The following WSCD2 variants were observed in gnomAD, a reference collection of about 807,000 sequenced individuals.
WSCD2 encodes sialate:O-sulfotransferase 2.
WSCD2 carries 28 observed loss-of-function variants against 55.7 expected under a neutral mutation model. The observed-to-expected ratio is 0.50, with a 90% CI of 0.37 to 0.69. WSCD2 has a LOEUF of 0.69. Ranked by LOEUF, WSCD2 falls within the 30% of genes least tolerant of loss-of-function variation. The probability of loss-of-function intolerance (pLI) is 0.00; values close to 1 mark genes in which losing one functional copy is unlikely to be tolerated. For synonymous variants in WSCD2, 301 were observed against 301.9 expected, an observed-to-expected ratio of 1.00 and a Z score of 0.03; for missense variants, 616 against 762.1, an observed-to-expected ratio of 0.81 and a Z score of 2.26.
chr12:108,188,617 C>T (rs973037516), intron 1 of WSCD2, among the ~76,000 whole-genome samples: 2 of 151,984 alleles, frequency 1.3e-5, no homozygotes. Flanking sequence ...TTCATTAAGT[C>T]TTTCACTTGC....
chr12:108,153,429 C>T (rs1878213094), intron 1 of WSCD2, among the ~76,000 whole-genome samples: 2 of 152,184 alleles, frequency 1.3e-5, no homozygotes, highest in South Asian at 4.1e-4. Flanking sequence ...TGGTTCCTAA[C>T]CTTGGAAGAG....
rs774010800 is a variant in WSCD2, at chr12:108,250,099, C to G, written c.*1756C>G. The G allele has an allele frequency of 6.6e-6, 1 of 151,748 alleles. No homozygotes were observed. The highest frequency in any genetic ancestry group is 2.1e-4 in the South Asian group (1 of 4,814). 9.4% of individuals were successfully genotyped at this position (151,748 alleles called of 1,614,324 possible). On this transcript the variant is annotated 3_prime_UTR_variant, in exon 9 of 9. Transcript: ENST00000547525. ...CTCAGGTCAACACCATCATTAAATGCGAGTTTTGTTGATGATTCTACCATG... is the reference window on the plus strand; with the variant it reads ...CTCAGGTCAACACCATCATTAAATGGGAGTTTTGTTGATGATTCTACCATG...
At chr12:108,159,247 C>T (rs1447467507) in intron 1 of WSCD2, among the ~76,000 whole-genome samples, 1 of 152,212 alleles carries the variant, frequency 6.6e-6, no homozygotes, top group Non-Finnish European at 1.5e-5. Flanking sequence ...GTCCTTGCTG[C>T]TTCCCCATCA....
intron 1 of WSCD2, among the ~76,000 whole-genome samples, chr12:108,171,019 G>A (rs1309033200): frequency 1.3e-5 from 2 of 152,170 alleles, no homozygotes; most frequent in Admixed American, 6.5e-5. Flanking sequence ...TATTGCTAAG[G>A]TAGGAGAGGC....
chr12:108,164,161 T>TTTTTTTTTTTTTTTTTTTA (rs1555224811), intron 1 of WSCD2, among the ~76,000 whole-genome samples: 3 of 146,086 alleles, frequency 2.1e-5, no homozygotes, highest in Admixed American at 6.8e-5. Flanking sequence ...TTTTTTTTTT[T>TTTTTTTTTTTTTTTTTTTA]TCAGAGAGGG....
intron 1 of WSCD2, among the ~76,000 whole-genome samples, chr12:108,151,285 C>G (rs1877976322): frequency 6.6e-6 from 1 of 152,180 alleles, no homozygotes; most frequent in Non-Finnish European, 1.5e-5. Context: ...GCCTCTGCCA[C>G]TAGATGCCTA....
At chr12:108,130,514 G>A (rs1056743124) in intron 1 of WSCD2, among the ~76,000 whole-genome samples, 2 of 135,206 alleles carry the variant, frequency 1.5e-5, no homozygotes, top group African/African-American at 5.4e-5. Flanking sequence ...GTGTGTGTGT[G>A]TGTGTGTAAA....
At chr12:108,140,509 G>A (rs1876681808) in intron 1 of WSCD2, among the ~76,000 whole-genome samples, 1 of 152,158 alleles carries the variant, frequency 6.6e-6, no homozygotes, top group African/African-American at 2.4e-5. Flanking sequence ...CTGCTGCTCT[G>A]TCTGTCCGCC....
intron 1 of WSCD2, among the ~76,000 whole-genome samples, chr12:108,140,586 G>C (rs1876689837): frequency 6.6e-6 from 1 of 152,186 alleles, no homozygotes; most frequent in Non-Finnish European, 1.5e-5. Context: ...CCAGGTAGTA[G>C]TAGCTGGGGG....
intron 3 of WSCD2, among the ~76,000 whole-genome samples, chr12:108,209,038 C>T (rs1885792395): frequency 6.6e-6 from 1 of 152,160 alleles, no homozygotes; most frequent in African/African-American, 2.4e-5. Flanking sequence ...TTTTCCTGAA[C>T]CTCAGTTTTC....
chr12:108,193,619 A>ATAGATG, intron 1 of WSCD2, among the ~76,000 whole-genome samples: 1 of 80,198 alleles, frequency 1.2e-5, no homozygotes, highest in Middle Eastern at 6.6e-3. Flanking sequence ...ATGGATGGAT[A>ATAGATG]GATGGATGGA....
chr12:108,138,686 C>T (rs1010859304), intron 1 of WSCD2, among the ~76,000 whole-genome samples: 13 of 152,240 alleles, frequency 8.5e-5, no homozygotes, highest in African/African-American at 3.1e-4. Context: ...ATGAATCAGT[C>T]ATTTTCTGCC....
intron 2 of WSCD2, among the ~76,000 whole-genome samples, chr12:108,198,108 A>G (rs1447824698): frequency 6.6e-6 from 1 of 151,428 alleles, no homozygotes; most frequent in Non-Finnish European, 1.5e-5. Flanking sequence ...AACACTTATC[A>G]CCATCTGAAA....
chr12:108,243,504 G>T (rs1489016946), intron 8 of WSCD2, among the ~76,000 whole-genome samples: 2 of 152,190 alleles, frequency 1.3e-5, no homozygotes, highest in Admixed American at 6.5e-5. Context: ...GAAGTGCTGG[G>T]ATTACAGGCG....
Position 108,215,437 on chromosome 12 carries a change from A to T in WSCD2, c.682+5132A>T, listed in dbSNP as rs544805552. 2.6e-5 allele frequency among the ~76,000 whole-genome samples: 4 copies of T among 152,358 alleles called. No homozygotes were observed. The East Asian group carries it at 7.7e-4, about 29-fold the overall frequency. ...GTGAGGTAAAGACTAGAAAGCACCTAGCACAGTGCCTGTTACAGAGTAGCT... is the reference window on the plus strand; with the variant it reads ...GTGAGGTAAAGACTAGAAAGCACCTTGCACAGTGCCTGTTACAGAGTAGCT... On this transcript the variant is annotated intron_variant, in intron 4 of 8. Transcript: ENST00000547525.
At chr12:108,187,325 C>T (rs193193620) in intron 1 of WSCD2, among the ~76,000 whole-genome samples, 1 of 152,186 alleles carries the variant, frequency 6.6e-6, no homozygotes, top group Non-Finnish European at 1.5e-5. Flanking sequence ...ACTCATTGAA[C>T]CTTTATCTTT....
Position 108,248,125 on chromosome 12 carries a change from A to G in WSCD2, c.1480A>G (p.Met494Val). The change falls in exon 9 of 9, where the codon ATG (methionine) becomes GTG (valine). Residue 494 changes from methionine to valine, a missense_variant. Around this residue, in one of 3 missense-constraint regions of WSCD2, gnomAD observed 234 missense variants for 264.6 expected, o/e 0.88. Transcript: ENST00000547525. This position sits in a 1 kb window ranked among gnomAD's most constrained non-coding sequence, Gnocchi z 4.3. ...GGACCTCTTTGTCCAGCTGGGCCGG[A>G]TGGTCAGCCTGCTGGGCGTGGCTGT... ...KQDLFVQLGRMVSLLGVAVRE... is the reference protein window; with the variant it reads ...KQDLFVQLGRVVSLLGVAVRE... 2 of 1,614,210 alleles carry G rather than the reference A, an allele frequency of 1.2e-6. No individual in the cohort carries two copies. The highest frequency in any genetic ancestry group is 1.7e-6 in the Non-Finnish European group (2 of 1,180,028).
chr12:108,166,761 T>TTTCTTTCTTTTCTTTCTTTC (rs10680980), intron 1 of WSCD2, among the ~76,000 whole-genome samples: 4 of 124,886 alleles, frequency 3.2e-5, no homozygotes, highest in Non-Finnish European at 6.7e-5. Flanking sequence ...TCTTTCTTTC[T>TTTCTTTCTTTTCTTTCTTTC]TTTCTTTCTT....
At chr12:108,240,130 G>A (rs1201982409) in intron 7 of WSCD2, among the ~76,000 whole-genome samples, 1 of 152,204 alleles carries the variant, frequency 6.6e-6, no homozygotes, top group South Asian at 2.1e-4. Context: ...AGGAAGACTC[G>A]TGAATATTTT....
Sources: allele counts gnomAD v4.1 joint callset (sites outside exome capture counted in the v4.1 genomes callset), GRCh38; gene constraint gnomAD v4.1.1; regional missense constraint gnomAD v4.1.1; non-coding constraint Gnocchi (gnomAD v3.1); transcripts MANE v1.5; gene names NCBI Gene and HGNC (gene_info 2026-07-23, HGNC 2026-07-21).